Variants in CD99L2 observed in about 807,000 individuals in gnomAD.
CD99L2 encodes the protein CD99 antigen-like protein 2.
Under a neutral mutation model 27.3 loss-of-function variants are expected in CD99L2, and 24 were observed. The ratio of observed to expected loss-of-function variants is 0.88; its 90% CI spans 0.64 to 1.24. The LOEUF is 1.24. Among genes scored for constraint, CD99L2 ranks in the 50% most tolerant of loss-of-function variants. The pLI, the probability that CD99L2 is intolerant of heterozygous loss-of-function variation, is 0.00. For synonymous variants in CD99L2, 97 were observed against 87.9 expected (o/e 1.10, Z -0.58); for missense variants, 255 against 221.6 (o/e 1.15, Z -0.96).
chrX:150,819,163 G>T, intron 2 of CD99L2: 1 of 360,217 alleles, frequency 2.8e-6, no homozygotes, highest in Non-Finnish European at 5.4e-6. Flanking sequence ...GGCCATGAAT[G>T]CCACAGAAGC....
At chrX:150,777,615 C>G (rs1341496554) in intron 7 of CD99L2, 133 bp from the exon 8 acceptor site, 9 of 637,875 alleles carry the variant, frequency 1.4e-5, no homozygotes. Context: ...CAGTGGATCA[C>G]CCGTAGGCTT....
intron 1 of CD99L2, among the ~76,000 whole-genome samples, chrX:150,887,141 C>CA (rs58847466): frequency 0.031 from 2,424 of 78,577 alleles, 36 homozygotes; most frequent in African/African-American, 0.048. Flanking sequence ...GAGACTCTGT[C>CA]AAAAAAAAAA....
chrX:150,798,065 AAGAAGG>A (rs1276305097), intron 4 of CD99L2, among the ~76,000 whole-genome samples: 2 of 86,864 alleles, frequency 2.3e-5, no homozygotes, highest in Non-Finnish European at 4.5e-5. Flanking sequence ...GAAGAAGGAG[AAGAAGG>A]AGAAGGAGAA....
At chrX:150,832,595 C>G (rs1225140295) in intron 1 of CD99L2, among the ~76,000 whole-genome samples, 4 of 112,134 alleles carry the variant, frequency 3.6e-5, no homozygotes, top group African/African-American at 1.3e-4. Flanking sequence ...AGATCAGGAA[C>G]AAGACAACAA....
At chrX:150,807,675 A>T (rs925674349) in intron 4 of CD99L2, among the ~76,000 whole-genome samples, 1 of 111,933 alleles carries the variant, frequency 8.9e-6, no homozygotes, top group Admixed American at 9.4e-5. Context: ...GATTATAAGA[A>T]AAAAAGGCAG....
chrX:150,891,889 G>C (rs1429208452), intron 1 of CD99L2, among the ~76,000 whole-genome samples: 2 of 112,035 alleles, frequency 1.8e-5, no homozygotes, highest in Non-Finnish European at 1.9e-5. Context: ...GCACCCAAGA[G>C]CAGAAGAGGA....
chrX:150,778,584 T>C (rs1288074385), intron 7 of CD99L2, among the ~76,000 whole-genome samples: 1 of 107,003 alleles, frequency 9.3e-6, no homozygotes, highest in Non-Finnish European at 1.9e-5. Context: ...AAATAAAGCC[T>C]ATTAAAAGAA....
chrX:150,877,362 A>C, intron 1 of CD99L2, among the ~76,000 whole-genome samples: 1 of 111,902 alleles, frequency 8.9e-6, no homozygotes, highest in Admixed American at 9.5e-5. Flanking sequence ...ACTAAAGTCA[A>C]GAACAAGCAA....
chrX:150,836,622 C>T (rs186350320), intron 1 of CD99L2, among the ~76,000 whole-genome samples: 31 of 111,837 alleles, frequency 2.8e-4, no homozygotes, highest in Admixed American at 4.7e-4. Flanking sequence ...CCACTGCACC[C>T]GGCCTAGCTT....
chrX:150,819,155 C>T, intron 2 of CD99L2: 1 of 357,786 alleles, frequency 2.8e-6, no homozygotes, highest in Non-Finnish European at 5.4e-6. Flanking sequence ...GTCAAAGAGG[C>T]CATGAATGCC....
intron 1 of CD99L2, among the ~76,000 whole-genome samples, chrX:150,847,006 AATC>A (rs1557421478): frequency 1.8e-5 from 2 of 112,473 alleles, no homozygotes; most frequent in African/African-American, 3.2e-5. Flanking sequence ...GGACCTCAGA[AATC>A]ATCAAGATTT....
At chrX:150,824,189 GA>G (rs1557420775) in intron 2 of CD99L2, among the ~76,000 whole-genome samples, 12 of 68,756 alleles carry the variant, frequency 1.7e-4, no homozygotes, top group African/African-American at 3.3e-4. Flanking sequence ...GGAGGAGGAG[GA>G]AGAAGAAGAG....
intron 1 of CD99L2, among the ~76,000 whole-genome samples, chrX:150,889,059 A>G (rs2047459064): frequency 8.8e-6 from 1 of 113,061 alleles, no homozygotes; most frequent in Non-Finnish European, 1.9e-5. Context: ...CTCTTGGCAG[A>G]TAGCACTACA....
chrX:150,840,266 A>G (rs1432103087), intron 1 of CD99L2, among the ~76,000 whole-genome samples: 1 of 111,585 alleles, frequency 9.0e-6, no homozygotes, highest in South Asian at 3.8e-4. Context: ...AAAGAAAGAA[A>G]AAAAGGTAAT....
At position 150,795,239 on chromosome X, in the gene CD99L2, C is replaced by T. The variant is rs1603292585; in HGVS notation, c.397G>A (p.Asp133Asn). The change falls in exon 6 of 11, where the codon GAT (aspartate) becomes AAT (asparagine). Residue 133 changes from aspartate to asparagine, a missense_variant. Physicochemically the swap from Asp to Asn is conservative, Grantham distance 23. Coordinates refer to ENST00000370377, the MANE Select transcript of CD99L2 (RefSeq NM_031462.4). ...CCAGCAATTGGTTTCCTGCGGCCAT[C>T]ATCTCGATCATTTCGATCATCCAGG... ...DALDDRNDRDDGRRKPIAGGG... is the reference protein window; with the variant it reads ...DALDDRNDRDNGRRKPIAGGG... 11 of 1,211,971 alleles carry T rather than the reference C, an allele frequency of 9.1e-6. No individual in the cohort carries two copies. The highest frequency in any genetic ancestry group is 8.9e-6 in the Non-Finnish European group (8 of 895,569).
chrX:150,829,439 G>C (rs997637814), intron 2 of CD99L2: 20 of 328,174 alleles, frequency 6.1e-5, no homozygotes, highest in Non-Finnish European at 1.1e-4. Flanking sequence ...GGAACACCTA[G>C]AGCCACCAGA....
intron 10 of CD99L2, among the ~76,000 whole-genome samples, chrX:150,769,756 T>A (rs782337248): frequency 9.3e-6 from 1 of 106,961 alleles, no homozygotes; most frequent in African/African-American, 3.3e-5. Context: ...TGGGCACAGG[T>A]CATATCTGCC....
At chrX:150,800,573 T>C (rs1414430231) in intron 4 of CD99L2, among the ~76,000 whole-genome samples, 5 of 111,757 alleles carry the variant, frequency 4.5e-5, no homozygotes, top group Non-Finnish European at 9.4e-5. Context: ...TACTATGCCA[T>C]TTCATATCAG....
chrX:150,884,104 G>A (rs1189368903), intron 1 of CD99L2, among the ~76,000 whole-genome samples: 4 of 111,806 alleles, frequency 3.6e-5, no homozygotes, highest in East Asian at 2.8e-4. Context: ...TCACTTCTAG[G>A]TATAACCCTA....
Sources: gnomAD v4.1 joint callset for allele counts (sites outside exome capture counted in the v4.1 genomes callset) on GRCh38, gnomAD v4.1.1 for gene constraint, MANE v1.5 for transcripts, NCBI Gene and HGNC (gene_info 2026-07-23, HGNC 2026-07-21) for gene names.